SPOCK1: variants seen among roughly 807,000 people sequenced by gnomAD.
SPOCK1 encodes SPARC (osteonectin), cwcv and kazal like domains proteoglycan 1.
SPOCK1 carries 23 observed loss-of-function variants against 55.3 expected under a neutral mutation model. That is an observed-to-expected ratio of 0.42 (90% CI 0.30 to 0.59). The LOEUF (loss-of-function observed/expected upper bound fraction) is 0.59. Ranked by LOEUF, SPOCK1 falls within the 20% of genes least tolerant of loss-of-function variation. The probability of loss-of-function intolerance (pLI) is 0.22; values close to 1 mark genes in which losing one functional copy is unlikely to be tolerated. For missense variants in SPOCK1, 499 were observed against 552.5 expected, an observed-to-expected ratio of 0.90 and a Z score of 0.97; for synonymous variants, 226 against 221.0, an observed-to-expected ratio of 1.02 and a Z score of -0.20.
At chr5:137,000,420 C>T (rs1751127045) in intron 6 of SPOCK1, among the ~76,000 whole-genome samples, 1 of 152,142 alleles carries the variant, frequency 6.6e-6, no homozygotes, top group South Asian at 2.1e-4. Flanking sequence ...GGTCTCTTCC[C>T]TCCATCATGG....
intron 2 of SPOCK1, among the ~76,000 whole-genome samples, chr5:137,346,250 G>A (rs1750552494): frequency 6.6e-6 from 1 of 152,278 alleles, no homozygotes; most frequent in African/African-American, 2.4e-5. Context: ...ATTTCCTTGT[G>A]GGCCCCTCCT....
intron 2 of SPOCK1, among the ~76,000 whole-genome samples, chr5:137,369,533 G>A (rs1751152694): frequency 6.6e-6 from 1 of 152,200 alleles, no homozygotes; most frequent in South Asian, 2.1e-4. Flanking sequence ...ATTGACCTGG[G>A]TGTGCCACTT....
chr5:136,983,024 G>A (rs909614993), intron 9 of SPOCK1, among the ~76,000 whole-genome samples: 119 of 152,208 alleles, frequency 7.8e-4, no homozygotes, highest in African/African-American at 2.6e-3. Context: ...TTCCTTACAG[G>A]GTAGGTGTGT....
intron 2 of SPOCK1, among the ~76,000 whole-genome samples, chr5:137,360,274 G>C (rs1750912809): frequency 6.6e-6 from 1 of 152,198 alleles, no homozygotes. Flanking sequence ...GAAGAGTGTT[G>C]GTTTGAGTTT....
intron 2 of SPOCK1, among the ~76,000 whole-genome samples, chr5:137,448,865 G>A (rs923814237): frequency 1.1e-4 from 17 of 152,138 alleles, no homozygotes; most frequent in Non-Finnish European, 2.4e-4. Flanking sequence ...TCCTCCTCCC[G>A]TGGGGCAGGG....
chr5:137,425,904 AC>A (rs1752598135), intron 2 of SPOCK1, among the ~76,000 whole-genome samples: 2 of 150,150 alleles, frequency 1.3e-5, no homozygotes, highest in Admixed American at 1.3e-4. Context: ...AACTCCCCAA[AC>A]CCTCAAACCC....
At chr5:137,158,432 C>G (rs553830824) in intron 3 of SPOCK1, among the ~76,000 whole-genome samples, 2 of 152,292 alleles carry the variant, frequency 1.3e-5, no homozygotes, top group South Asian at 4.2e-4. Context: ...GCAATATAGC[C>G]TCACACTTTG....
chr5:137,033,725 T>C (rs1403488154), intron 6 of SPOCK1, among the ~76,000 whole-genome samples: 1 of 152,236 alleles, frequency 6.6e-6, no homozygotes, highest in Non-Finnish European at 1.5e-5. Context: ...TGGTACCTTG[T>C]ACTTGTTCTT....
At chr5:137,439,850 T>C (rs1752951545) in intron 2 of SPOCK1, among the ~76,000 whole-genome samples, 1 of 152,146 alleles carries the variant, frequency 6.6e-6, no homozygotes, top group Non-Finnish European at 1.5e-5. Context: ...GACCTGAAGA[T>C]ACCAACACTG....
chr5:137,482,216 T>A (rs1299122725), intron 2 of SPOCK1, among the ~76,000 whole-genome samples: 1 of 152,200 alleles, frequency 6.6e-6, no homozygotes, highest in Non-Finnish European at 1.5e-5. Flanking sequence ...CACATAATGC[T>A]GGACTAAGAC....
chr5:137,291,320 C>T (rs1011672387), intron 2 of SPOCK1, among the ~76,000 whole-genome samples: 1 of 152,160 alleles, frequency 6.6e-6, no homozygotes, highest in African/African-American at 2.4e-5. Flanking sequence ...TCACAACAGT[C>T]CTCTAATCTA....
intron 2 of SPOCK1, among the ~76,000 whole-genome samples, chr5:137,458,673 T>C (rs1753417481): frequency 6.6e-6 from 1 of 152,240 alleles, no homozygotes; most frequent in African/African-American, 2.4e-5. Flanking sequence ...TGTTCGTTTT[T>C]TTTAGCTTTT....
At chr5:137,001,454 C>T (rs576244970) in intron 6 of SPOCK1, among the ~76,000 whole-genome samples, 51 of 152,306 alleles carry the variant, frequency 3.3e-4, no homozygotes, top group South Asian at 1.2e-3. Flanking sequence ...GGATGGTAAA[C>T]GGCAAAACTG....
At chr5:137,172,856 C>G (rs1754779726) in intron 3 of SPOCK1, among the ~76,000 whole-genome samples, 1 of 152,120 alleles carries the variant, frequency 6.6e-6, no homozygotes. Context: ...GTCCCTGCCT[C>G]CTGGAACCTA....
chr5:137,201,840 T>C lies in SPOCK1; in HGVS notation c.233-61146A>G, dbSNP rs140056419. The stretch of plus-strand genomic sequence containing the variant: ...TACTCTATCAACTCTGAGGGGCCTA[T>C]ACTAAAAATACACCCAGCTCTATTC... On this transcript the variant is annotated intron_variant, in intron 3 of 10. Transcript: ENST00000394945. Among the ~76,000 whole-genome samples the C allele has an allele frequency of 9.4e-4, 143 of 152,292 alleles. 1 individual carries two copies. Among genetic ancestry groups the C allele is most frequent in the Non-Finnish European group, 1.6e-3 (112 of 68,018 alleles).
chr5:137,139,104 G>C (rs1354502008), intron 4 of SPOCK1, among the ~76,000 whole-genome samples: 3 of 152,220 alleles, frequency 2.0e-5, no homozygotes, highest in Admixed American at 6.5e-5. Context: ...GTATTCCAGG[G>C]ATGCAATCTA....
chr5:137,001,695 T>C (rs548905994), intron 6 of SPOCK1, among the ~76,000 whole-genome samples: 2 of 152,270 alleles, frequency 1.3e-5, no homozygotes, highest in South Asian at 4.1e-4. Context: ...ATCTGTAAAA[T>C]GGGAATAATG....
At chr5:137,329,996 G>T (rs1758140955) in intron 2 of SPOCK1, among the ~76,000 whole-genome samples, 1 of 152,162 alleles carries the variant, frequency 6.6e-6, no homozygotes, top group African/African-American at 2.4e-5. Flanking sequence ...GCTGGATCCA[G>T]ATCAGCCATT....
intron 6 of SPOCK1, among the ~76,000 whole-genome samples, chr5:136,993,597 G>C (rs1209997196): frequency 6.6e-6 from 1 of 152,158 alleles, no homozygotes; most frequent in East Asian, 1.9e-4. Flanking sequence ...AAAGAACAGA[G>C]CCCCACATCT....
Sources: allele counts gnomAD v4.1 joint callset (sites outside exome capture counted in the v4.1 genomes callset), GRCh38; gene constraint gnomAD v4.1.1; transcripts MANE v1.5; gene names NCBI Gene and HGNC (gene_info 2026-07-23, HGNC 2026-07-21).